CDH4: variants seen among roughly 807,000 people sequenced by gnomAD.
The protein encoded by CDH4 is cadherin 4.
A neutral mutation model predicts 86.0 loss-of-function variants in CDH4; 33 were observed. That is an observed-to-expected ratio of 0.38 (90% CI 0.29 to 0.51). CDH4 has a LOEUF of 0.51. Ranked by LOEUF, CDH4 falls within the 20% of genes least tolerant of loss-of-function variation. The pLI is 0.86. For missense variants in CDH4, 1,114 were observed against 1,307.4 expected (o/e 0.85, Z 2.28); for synonymous variants, 555 against 549.4 (o/e 1.01, Z -0.14).
intron 2 of CDH4, among the ~76,000 whole-genome samples, chr20:61,592,352 C>T (rs1405868686): frequency 6.6e-6 from 1 of 152,206 alleles, no homozygotes; most frequent in Non-Finnish European, 1.5e-5. Flanking sequence ...AAACTGGGCA[C>T]TGCTCAGGGC....
chr20:61,361,293 T>C (rs2084781946), intron 2 of CDH4, among the ~76,000 whole-genome samples: 1 of 151,946 alleles, frequency 6.6e-6, no homozygotes, highest in African/African-American at 2.4e-5. Flanking sequence ...ATGGATCTTA[T>C]GTGGGTGGGA....
At chr20:61,610,467 G>A (rs575502238) in intron 2 of CDH4, among the ~76,000 whole-genome samples, 128 of 152,260 alleles carry the variant, frequency 8.4e-4, no homozygotes, top group African/African-American at 2.9e-3. Flanking sequence ...ACTTGGGAGC[G>A]TAGCTATCTC....
intron 2 of CDH4, among the ~76,000 whole-genome samples, chr20:61,445,045 G>A (rs766457533): frequency 3.9e-5 from 6 of 152,102 alleles, no homozygotes; most frequent in Non-Finnish European, 7.4e-5. Flanking sequence ...GTGCGTGCAC[G>A]CATGTGTTGA....
At position 61,893,376 on chromosome 20, in the gene CDH4, AATGG is replaced by A. The variant is rs1182845515; in HGVS notation, c.1051-1525_1051-1522del. Among the ~76,000 whole-genome samples the A allele has an allele frequency of 6.4e-4, 18 of 28,244 alleles. 1 individual carries two copies. Among genetic ancestry groups the A allele is most frequent in the African/African-American group, 2.3e-3 (17 of 7,304 alleles). The allele number at this position is 28,244 out of a possible 152,430, so 18.5% of individuals were successfully genotyped here. A position where few individuals can be genotyped will look rare whatever the true frequency, so the allele number is the denominator to read the frequency against. On this transcript the variant is annotated intron_variant, in intron 7 of 15. Coordinates refer to ENST00000614565, the MANE Select transcript of CDH4 (RefSeq NM_001794.5). ...GAATGGGTGGGTGAATAGAGGGATA[AATGG>A]ATGGATGGGTGAATAGAGGGATGGT...
intron 9 of CDH4, among the ~76,000 whole-genome samples, chr20:61,918,345 G>A (rs925649747): frequency 4.6e-5 from 7 of 152,336 alleles, no homozygotes; most frequent in African/African-American, 1.7e-4. Flanking sequence ...AGGCCCCTGT[G>A]TGGCACACAC....
chr20:61,802,445 A>G (rs1342249677), intron 4 of CDH4, among the ~76,000 whole-genome samples: 3 of 152,088 alleles, frequency 2.0e-5, no homozygotes, highest in African/African-American at 7.2e-5. Flanking sequence ...GCTCCCCCAA[A>G]ATCGTGGGGG....
chr20:61,418,283 T>A (rs1363555089), intron 2 of CDH4, among the ~76,000 whole-genome samples: 1 of 149,640 alleles, frequency 6.7e-6, no homozygotes, highest in Non-Finnish European at 1.5e-5. Context: ...CCATCTCGGC[T>A]CACTGCAAGC....
intron 8 of CDH4, 103 bp from the exon 9 acceptor site, chr20:61,910,319 C>T: frequency 1.0e-6 from 1 of 1,001,014 alleles, no homozygotes; most frequent in Non-Finnish European, 1.5e-6. Flanking sequence ...ACGGTGTGTT[C>T]TGTTTGTGAA....
intron 2 of CDH4, among the ~76,000 whole-genome samples, chr20:61,263,382 G>T (rs944999966): frequency 7.1e-4 from 108 of 152,208 alleles, no homozygotes; most frequent in African/African-American, 2.5e-3. Flanking sequence ...AATTATCTTT[G>T]ACCCAGTATG....
chr20:61,758,140 GT>G (rs753568410), intron 3 of CDH4, among the ~76,000 whole-genome samples: 1 of 152,208 alleles, frequency 6.6e-6, no homozygotes, highest in Non-Finnish European at 1.5e-5. Flanking sequence ...CAGGTGAGGG[GT>G]ACCAAGCCCC....
intron 2 of CDH4, among the ~76,000 whole-genome samples, chr20:61,263,790 C>A (rs912115520): frequency 1.3e-5 from 2 of 152,090 alleles, no homozygotes; most frequent in Non-Finnish European, 2.9e-5. Flanking sequence ...CTGGAGGCTC[C>A]TGGGGAGAAT....
At position 61,709,852 on chromosome 20, in the gene CDH4, C is replaced by T. The variant is rs2087871010; in HGVS notation, c.170-33711C>T. ...TTATTCTCATTTGTGTAGCACCTTA[C>T]ACCTCTGTAGATGTTTTTCAGAATG... On this transcript the variant is annotated intron_variant, in intron 2 of 15. Transcript: ENST00000614565. This position sits in a 1 kb window ranked among gnomAD's most constrained non-coding sequence, Gnocchi z 4.8. Among the ~76,000 whole-genome samples the T allele has an allele frequency of 1.3e-5, 2 of 152,204 alleles. No individual in the cohort carries two copies. Among genetic ancestry groups the T allele is most frequent in the Admixed American group, 1.3e-4 (2 of 15,282 alleles).
intron 13 of CDH4, among the ~76,000 whole-genome samples, chr20:61,932,050 A>G (rs1024370794): frequency 2.6e-5 from 4 of 152,076 alleles, no homozygotes; most frequent in Non-Finnish European, 5.9e-5. Context: ...CTGGGCCCCT[A>G]TCCTCCCAGG....
chr20:61,719,345 G>T, intron 2 of CDH4: 2 of 321,396 alleles, frequency 6.2e-6, no homozygotes, highest in East Asian at 7.9e-5. Context: ...AGGCCTGTGA[G>T]GTTTTTATTC....
chr20:61,676,740 G>C lies in CDH4; in HGVS notation c.170-66823G>C, dbSNP rs1278201653. Among the ~76,000 whole-genome samples the C allele has an allele frequency of 6.6e-6, 1 of 152,236 alleles. No homozygotes were observed. The highest frequency in any genetic ancestry group is 1.5e-5 in the Non-Finnish European group (1 of 68,048). ...ACCTTGATGTAATACAAATGTAAAT[G>C]ATGCTGCATTTCAGAAGGTGGTGTT... On this transcript the variant is annotated intron_variant, in intron 2 of 15. Coordinates refer to ENST00000614565, the MANE Select transcript of CDH4 (RefSeq NM_001794.5). This position sits in a 1 kb window ranked among gnomAD's most constrained non-coding sequence, Gnocchi z 4.5.
chr20:61,442,956 G>T (rs1045740472), intron 2 of CDH4, among the ~76,000 whole-genome samples: 5 of 152,098 alleles, frequency 3.3e-5, no homozygotes, highest in Non-Finnish European at 7.4e-5. Context: ...CCCTTTAGAT[G>T]ACCCCTAGGT....
chr20:61,893,741 G>GTGGA (rs529206223), intron 7 of CDH4, among the ~76,000 whole-genome samples: 1 of 139,808 alleles, frequency 7.2e-6, no homozygotes, highest in Non-Finnish European at 1.5e-5. Flanking sequence ...GGGTGGGTGA[G>GTGGA]TGGATGGATG....
At chr20:61,589,344 G>A (rs1211777186) in intron 2 of CDH4, among the ~76,000 whole-genome samples, 1 of 152,238 alleles carries the variant, frequency 6.6e-6, no homozygotes, top group African/African-American at 2.4e-5. Flanking sequence ...AAGACAGACA[G>A]AAATTAATCA....
At chr20:61,564,200 C>A (rs1013278870) in intron 2 of CDH4, among the ~76,000 whole-genome samples, 40 of 152,176 alleles carry the variant, frequency 2.6e-4, no homozygotes, top group African/African-American at 9.2e-4. Context: ...CTGCAAAGAC[C>A]TTTATTCACA....
Sources: allele counts gnomAD v4.1 joint callset (sites outside exome capture counted in the v4.1 genomes callset), GRCh38; gene constraint gnomAD v4.1.1; non-coding constraint Gnocchi (gnomAD v3.1); transcripts MANE v1.5; gene names NCBI Gene and HGNC (gene_info 2026-07-23, HGNC 2026-07-21).